Variants in SRBD1 observed in about 807,000 individuals in gnomAD.
SRBD1 encodes the protein S1 RNA-binding domain-containing protein 1.
A neutral mutation model predicts 115.3 loss-of-function variants in SRBD1; 88 were observed. The ratio of observed to expected loss-of-function variants is 0.76; its 90% CI spans 0.64 to 0.91. SRBD1 has a LOEUF of 0.91. Among genes scored for constraint, SRBD1 ranks in the 40% least tolerant of loss-of-function variants. The pLI is 0.00. For synonymous variants in SRBD1, 509 were observed against 407.7 expected, an observed-to-expected ratio of 1.25 and a Z score of -2.99; for missense variants, 1,385 against 1,177.4, an observed-to-expected ratio of 1.18 and a Z score of -2.58.
chr2:45,461,449 C>T (rs1289742155), intron 16 of SRBD1, among the ~76,000 whole-genome samples: 2 of 152,136 alleles, frequency 1.3e-5, no homozygotes, highest in Non-Finnish European at 2.9e-5. Flanking sequence ...CTGGATATGG[C>T]TCCACTCCAA....
chr2:45,546,184 A>C (rs1298220383), intron 14 of SRBD1: 2 of 985,356 alleles, frequency 2.0e-6, no homozygotes, highest in East Asian at 2.3e-4. Flanking sequence ...CAGGGGCAAG[A>C]CTAGAGAAAT....
chr2:45,528,709 GA>G (rs1671524391), intron 14 of SRBD1, among the ~76,000 whole-genome samples: 1 of 151,802 alleles, frequency 6.6e-6, no homozygotes, highest in African/African-American at 2.4e-5. Context: ...AGGAAAAGAA[GA>G]TATACAGAGA....
At chr2:45,516,281 T>C (rs1337889007) in intron 14 of SRBD1, among the ~76,000 whole-genome samples, 3 of 152,164 alleles carry the variant, frequency 2.0e-5, no homozygotes, top group African/African-American at 7.2e-5. Context: ...AAATAAATAT[T>C]AGGGATAAGC....
chr2:45,409,200 T>C (rs1667523672), intron 19 of SRBD1, among the ~76,000 whole-genome samples: 3 of 152,052 alleles, frequency 2.0e-5, no homozygotes, highest in African/African-American at 7.2e-5. Flanking sequence ...CCTGCCTGGG[T>C]GACAAAGTGA....
chr2:45,435,586 C>T (rs79959618), intron 16 of SRBD1, among the ~76,000 whole-genome samples: 2 of 125,066 alleles, frequency 1.6e-5, no homozygotes, highest in Non-Finnish European at 3.3e-5. Flanking sequence ...AAAAAAAAAA[C>T]AGCTGCCTGT....
At chr2:45,426,849 C>T (rs1387048645) in intron 16 of SRBD1, among the ~76,000 whole-genome samples, 1 of 152,138 alleles carries the variant, frequency 6.6e-6, no homozygotes, top group Non-Finnish European at 1.5e-5. Flanking sequence ...CGAAGGTCAC[C>T]AACATCAAAG....
At chr2:45,455,085 G>A (rs1669112294) in intron 16 of SRBD1, among the ~76,000 whole-genome samples, 1 of 151,694 alleles carries the variant, frequency 6.6e-6, no homozygotes, top group Non-Finnish European at 1.5e-5. Context: ...TTCTTAGTTT[G>A]CTATAAAATG....
At chr2:45,488,187 G>C in intron 15 of SRBD1, 53 bp downstream of exon 15, 1 of 1,488,554 alleles carries the variant, frequency 6.7e-7, no homozygotes, top group African/African-American at 1.4e-5. Flanking sequence ...TGCCACACAT[G>C]CTGCCCAAAA....
chr2:45,545,479 C>G (rs1672087676), intron 14 of SRBD1, among the ~76,000 whole-genome samples: 1 of 151,878 alleles, frequency 6.6e-6, no homozygotes, highest in Non-Finnish European at 1.5e-5. Context: ...GTACTTATAA[C>G]CACTACAAAT....
chr2:45,560,488 G>C (rs1672627532), intron 10 of SRBD1, among the ~76,000 whole-genome samples: 1 of 152,152 alleles, frequency 6.6e-6, no homozygotes, highest in Non-Finnish European at 1.5e-5. Context: ...ACCAGACATT[G>C]TGCTATACAG....
At chr2:45,518,815 TACG>T (rs1199446788) in intron 14 of SRBD1, among the ~76,000 whole-genome samples, 1 of 152,158 alleles carries the variant, frequency 6.6e-6, no homozygotes. Flanking sequence ...TTGTTTTGTT[TACG>T]TTAATGAGGC....
At chr2:45,484,608 A>G (rs1296410781) in intron 15 of SRBD1, among the ~76,000 whole-genome samples, 2 of 152,204 alleles carry the variant, frequency 1.3e-5, no homozygotes, top group African/African-American at 4.8e-5. Flanking sequence ...CATAACATAT[A>G]ATTAACTATT....
In SRBD1 at chr2:45,389,478, C is replaced by A; in HGVS notation, c.2820G>T (p.Val940=). ...TLFGIFVDIG[V]GKSGLIPIRN... is the part of the protein sequence containing the mutation. Reference sequence around the variant, plus strand: ...GTATGGGAATCAGCCCAGATTTCCCCACTCCTATATCCACAAAAATTCCAA... The same window carrying A: ...GTATGGGAATCAGCCCAGATTTCCCAACTCCTATATCCACAAAAATTCCAA... Residue 940 remains valine (V), a synonymous_variant, in exon 21 of 21, where the codon GTG becomes GTT. Transcript: ENST00000263736. 6.2e-7 allele frequency: 1 copy of A among 1,614,048 alleles called. No individual in the cohort carries two copies. The highest frequency in any genetic ancestry group is 1.3e-5 in the African/African-American group (1 of 75,040).
chr2:45,407,522 T>C (rs1285927096), intron 19 of SRBD1, among the ~76,000 whole-genome samples: 1 of 152,208 alleles, frequency 6.6e-6, no homozygotes, highest in Non-Finnish European at 1.5e-5. Context: ...GTTATTAGGC[T>C]CCTTGAGAGC....
Position 45,394,242 on chromosome 2 carries a change from T to C in SRBD1, c.2514-1113A>G, listed in dbSNP as rs78872469. 7.7e-3 allele frequency among the ~76,000 whole-genome samples: 1,178 copies of C among 152,322 alleles called. 12 individuals are homozygous for C. The highest frequency in any genetic ancestry group is 0.027 in the African/African-American group (1,111 of 41,578). ...TTACCTTTGATTGCAAAGCTACCTC[T>C]CAATTACTTTCCTTTATAATTCAGT... On this transcript the variant is annotated intron_variant, in intron 19 of 20. Coordinates refer to ENST00000263736, the MANE Select transcript of SRBD1 (RefSeq NM_018079.5).
chr2:45,477,343 A>G (rs1359400642), intron 15 of SRBD1, among the ~76,000 whole-genome samples: 1 of 152,366 alleles, frequency 6.6e-6, no homozygotes, highest in African/African-American at 2.4e-5. Context: ...AAAAACAAAT[A>G]AAACGTTTAC....
chr2:45,610,927 CAA>C (rs10535905), intron 1 of SRBD1, among the ~76,000 whole-genome samples: 33,594 of 134,290 alleles, frequency 0.25, 4,368 homozygotes, highest in East Asian at 0.38. Context: ...GACTCCGTCT[CAA>C]AAAAAAAAAA....
At chr2:45,591,751 C>G (rs1359306508) in intron 4 of SRBD1, among the ~76,000 whole-genome samples, 1 of 152,172 alleles carries the variant, frequency 6.6e-6, no homozygotes, top group Non-Finnish European at 1.5e-5. Flanking sequence ...TATCACATTG[C>G]CTCTCTAAAA....
intron 8 of SRBD1, among the ~76,000 whole-genome samples, chr2:45,574,080 C>T (rs749871783): frequency 9.9e-5 from 15 of 151,830 alleles, no homozygotes; most frequent in Non-Finnish European, 2.1e-4. Flanking sequence ...AATCCATAAG[C>T]CCAAGAAGGC....
Sources: allele counts gnomAD v4.1 joint callset (sites outside exome capture counted in the v4.1 genomes callset), GRCh38; gene constraint gnomAD v4.1.1; transcripts MANE v1.5; gene names NCBI Gene and HGNC (gene_info 2026-07-23, HGNC 2026-07-21).